The following ALK variants were observed in gnomAD, a reference collection of about 807,000 sequenced individuals.
ALK encodes the protein ALK tyrosine kinase receptor.
Under a neutral mutation model 163.1 loss-of-function variants are expected in ALK, and 74 were observed. The ratio of observed to expected loss-of-function variants is 0.45; its 90% CI spans 0.38 to 0.55. The LOEUF (loss-of-function observed/expected upper bound fraction) is 0.55, where lower values mean the gene tolerates loss of function less well. ALK is among the 20% of genes least tolerant of loss of function. ALK has a pLI of 0.00. For synonymous variants in ALK, 960 were observed against 843.2 expected (o/e 1.14, Z -2.40); for missense variants, 2,063 against 2,105.3 (o/e 0.98, Z 0.39).
Position 29,857,087 on chromosome 2 carries a change from A to G in ALK, c.667+62906T>C, listed in dbSNP as rs79036216. ...CGAATGTGCATGTCTGTGGAGTTAGAACTGGGCTCGAATTTATGCACCTTG... is the reference window on the plus strand; with the variant it reads ...CGAATGTGCATGTCTGTGGAGTTAGGACTGGGCTCGAATTTATGCACCTTG... On this transcript the variant is annotated intron_variant, in intron 1 of 28. Coordinates refer to ENST00000389048, the MANE Select transcript of ALK (RefSeq NM_004304.5). 6.0e-3 allele frequency among the ~76,000 whole-genome samples: 911 copies of G among 152,308 alleles called. 10 individuals are homozygous for G. Among genetic ancestry groups the G allele is most frequent in the African/African-American group, 0.021 (852 of 41,552 alleles).
At chr2:29,428,553 C>T (rs928358293) in intron 4 of ALK, among the ~76,000 whole-genome samples, 2 of 151,832 alleles carry the variant, frequency 1.3e-5, no homozygotes, top group African/African-American at 4.8e-5. Flanking sequence ...ACACAAACTA[C>T]TGAAACTGAC....
At chr2:29,319,808 C>T (rs1046361565) in intron 7 of ALK, among the ~76,000 whole-genome samples, 9 of 152,248 alleles carry the variant, frequency 5.9e-5, no homozygotes, top group Non-Finnish European at 1.3e-4. Context: ...GCGTCTTTTA[C>T]AGACAGAATG....
At chr2:29,649,217 T>TGAGTGAGAGA (rs1553341700) in intron 3 of ALK, among the ~76,000 whole-genome samples, 1 of 147,440 alleles carries the variant, frequency 6.8e-6, no homozygotes, top group Non-Finnish European at 1.5e-5. Flanking sequence ...TGTGTGTATG[T>TGAGTGAGAGA]GAGAGAGAGA....
At chr2:29,437,700 C>T (rs1443429326) in intron 4 of ALK, among the ~76,000 whole-genome samples, 2 of 152,154 alleles carry the variant, frequency 1.3e-5, no homozygotes, top group Non-Finnish European at 2.9e-5. Flanking sequence ...TCCCTAAGCC[C>T]CACCTCAAAT....
intron 1 of ALK, among the ~76,000 whole-genome samples, chr2:29,848,528 G>A (rs913914918): frequency 2.5e-4 from 38 of 152,116 alleles, no homozygotes; most frequent in Admixed American, 1.1e-3. Context: ...AGGGCTTTTC[G>A]CATAGTGTTT....
At chr2:29,416,721 A>G (rs1293696291) in intron 4 of ALK, among the ~76,000 whole-genome samples, 1 of 152,168 alleles carries the variant, frequency 6.6e-6, no homozygotes, top group Non-Finnish European at 1.5e-5. Flanking sequence ...GCAGGATGCA[A>G]CATGAGGTAC....
intron 26 of ALK, among the ~76,000 whole-genome samples, chr2:29,204,654 A>G (rs1391156267): frequency 6.6e-6 from 1 of 152,128 alleles, no homozygotes; most frequent in Non-Finnish European, 1.5e-5. Context: ...CAGTTGCACA[A>G]TCTCAGCTCA....
intron 1 of ALK, among the ~76,000 whole-genome samples, chr2:29,889,254 C>CAT (rs5830136): frequency 0.018 from 2,726 of 151,056 alleles, 29 homozygotes; most frequent in Non-Finnish European, 0.026. Context: ...TATATATACA[C>CAT]ATATATATAT....
In ALK at chr2:29,251,218, G is replaced by T. The variant is rs1252650401; in HGVS notation, c.2091C>A (p.Thr697=). The change falls in exon 12 of 29, where the codon ACC becomes ACA. Residue 697 remains threonine, a synonymous_variant. Transcript: ENST00000389048. ...GGTAGGCGTTGTTGCACTGTGCCTG[G>T]GTGGGGCCATGGGGCCCGCTGGCCC... ...TCGASGPHGP[T]QAQCNNAYQN... The T allele has an allele frequency of 1.2e-6, 2 of 1,614,098 alleles. No homozygotes were observed. The highest frequency in any genetic ancestry group is 2.2e-5 in the East Asian group (1 of 44,880).
At chr2:29,667,547 G>C (rs1015407032) in intron 3 of ALK, among the ~76,000 whole-genome samples, 1 of 151,836 alleles carries the variant, frequency 6.6e-6, no homozygotes, top group African/African-American at 2.4e-5. Flanking sequence ...TTTATCAAAT[G>C]CTTTCTTGGT....
chr2:29,710,704 G>T (rs1370724938), intron 2 of ALK, among the ~76,000 whole-genome samples: 2 of 152,130 alleles, frequency 1.3e-5, no homozygotes, highest in Non-Finnish European at 2.9e-5. Context: ...TAGAGACAGG[G>T]TTTCACCATG....
intron 4 of ALK, among the ~76,000 whole-genome samples, chr2:29,444,460 G>A (rs4408683): frequency 0.83 from 125,800 of 152,036 alleles, 53,226 homozygotes; most frequent in Non-Finnish European, 0.93. Flanking sequence ...GAACAGATGA[G>A]GATTGAACAA....
intron 24 of ALK, 60 bp downstream of exon 24, chr2:29,213,924 G>A: frequency 2.8e-6 from 4 of 1,438,644 alleles, no homozygotes; most frequent in Non-Finnish European, 3.9e-6. Context: ...CTTGAGATCT[G>A]CGGGGAAGCA....
chr2:29,762,410 C>T (rs544560761), intron 1 of ALK, among the ~76,000 whole-genome samples: 1 of 152,264 alleles, frequency 6.6e-6, no homozygotes, highest in East Asian at 1.9e-4. Flanking sequence ...ATAACTAATC[C>T]ATTACAGAGG....
At chr2:29,492,878 T>G (rs1029318312) in intron 4 of ALK, among the ~76,000 whole-genome samples, 5 of 152,154 alleles carry the variant, frequency 3.3e-5, no homozygotes, top group Admixed American at 6.5e-5. Flanking sequence ...AAAACAGATT[T>G]CTAACCAGAT....
At chr2:29,863,416 A>G (rs1666345209) in intron 1 of ALK, among the ~76,000 whole-genome samples, 7 of 152,202 alleles carry the variant, frequency 4.6e-5, no homozygotes, top group Admixed American at 4.6e-4. Context: ...TACTCAAACA[A>G]CTTAATAGTA....
intron 8 of ALK, among the ~76,000 whole-genome samples, chr2:29,315,595 T>C (rs1445865290): frequency 6.6e-6 from 1 of 152,110 alleles, no homozygotes; most frequent in Non-Finnish European, 1.5e-5. Context: ...AAGGATAGGG[T>C]TTAAAAATGC....
rs1001789863 is a variant in ALK, at chr2:29,627,245, C to A, written c.952+67605G>T. The stretch of plus-strand genomic sequence containing the variant: ...TCTTGTCCAATTAAAACAGAAAATT[C>A]TCTTCTGTTCTCCAGCCCCAGCTGC... On this transcript the variant is annotated intron_variant, in intron 3 of 28. Coordinates refer to ENST00000389048, the MANE Select transcript of ALK (RefSeq NM_004304.5). Among the ~76,000 whole-genome samples, 6 of 152,102 alleles carry A rather than the reference C, an allele frequency of 3.9e-5. 1 individual carries two copies. Among genetic ancestry groups the A allele is most frequent in the Admixed American group, 3.9e-4 (6 of 15,280 alleles).
At chr2:29,801,810 C>A (rs1171464965) in intron 1 of ALK, among the ~76,000 whole-genome samples, 2 of 152,114 alleles carry the variant, frequency 1.3e-5, no homozygotes, top group Non-Finnish European at 2.9e-5. Context: ...CAGCCTAAAA[C>A]CACAGTTATT....
Sources: allele counts gnomAD v4.1 joint callset (sites outside exome capture counted in the v4.1 genomes callset), GRCh38; gene constraint gnomAD v4.1.1; transcripts MANE v1.5; gene names NCBI Gene and HGNC (gene_info 2026-07-23, HGNC 2026-07-21).